Variants in EIF2AK4 observed in about 807,000 individuals in gnomAD.
EIF2AK4 encodes the protein eukaryotic translation initiation factor 2 alpha kinase 4, also known as eIF-2-alpha kinase GCN2.
A neutral mutation model predicts 211.1 loss-of-function variants in EIF2AK4; 139 were observed. The observed-to-expected ratio is 0.66, with a 90% CI of 0.57 to 0.76. The LOEUF is 0.76. EIF2AK4 is among the 30% of genes least tolerant of loss of function. The probability of loss-of-function intolerance (pLI) is 0.00; values close to 1 mark genes in which losing one functional copy is unlikely to be tolerated. For synonymous variants in EIF2AK4, 710 were observed against 751.3 expected (o/e 0.94, Z 0.90); for missense variants, 1,664 against 2,043.8 (o/e 0.81, Z 3.58).
chr15:39,981,047 T>C (rs1396956437), intron 13 of EIF2AK4, among the ~76,000 whole-genome samples: 3 of 152,164 alleles, frequency 2.0e-5, no homozygotes, highest in Non-Finnish European at 4.4e-5. Context: ...TAAACATTTA[T>C]TAGTTATAAA....
intron 6 of EIF2AK4, among the ~76,000 whole-genome samples, chr15:39,956,775 C>T (rs2140906833): frequency 6.6e-6 from 1 of 152,134 alleles, no homozygotes; most frequent in African/African-American, 2.4e-5. Context: ...TAAATTATCT[C>T]TTGTGAGACT....
intron 29 of EIF2AK4, among the ~76,000 whole-genome samples, chr15:40,018,434 ATTCT>A (rs560115442): frequency 6.8e-6 from 1 of 146,294 alleles, no homozygotes; most frequent in South Asian, 2.1e-4. Flanking sequence ...TTTTTCAGGC[ATTCT>A]TTGATTTTTT....
At chr15:40,012,197 GAAGAGTCC>G in intron 27 of EIF2AK4, among the ~76,000 whole-genome samples, 1 of 152,104 alleles carries the variant, frequency 6.6e-6, no homozygotes, top group Non-Finnish European at 1.5e-5. Context: ...GGGATATAAA[GAAGAGTCC>G]ATAGACTGCA....
At chr15:40,016,719 A>G in intron 28 of EIF2AK4, 47 bp downstream of exon 28, 2 of 1,588,980 alleles carry the variant, frequency 1.3e-6, no homozygotes, top group Non-Finnish European at 1.7e-6. Context: ...TAGCATTACT[A>G]ATAGCACAGG....
chr15:40,022,794 C>T (rs376836420), intron 32 of EIF2AK4, among the ~76,000 whole-genome samples, 189 bp downstream of exon 32: 3 of 151,832 alleles, frequency 2.0e-5, no homozygotes, highest in Non-Finnish European at 4.4e-5. Flanking sequence ...AGTGCAATGA[C>T]GCAATCTCGG....
intron 19 of EIF2AK4, 65 bp from the exon 20 acceptor site, chr15:39,998,666 G>A (rs987889574): frequency 2.4e-6 from 3 of 1,255,444 alleles, no homozygotes; most frequent in African/African-American, 3.0e-5. Context: ...TCTTACTTAT[G>A]GTGAATAAAT....
At chr15:40,004,596 C>T (rs977255717) in intron 23 of EIF2AK4, among the ~76,000 whole-genome samples, 4 of 152,142 alleles carry the variant, frequency 2.6e-5, no homozygotes, top group Non-Finnish European at 5.9e-5. Flanking sequence ...GTGGTCTCAG[C>T]TACTTGGGAG....
In EIF2AK4 at chr15:40,001,237, C is replaced by T. The variant is rs777249118; in HGVS notation, c.3159+13C>T. 2.5e-6 allele frequency: 4 copies of T among 1,611,100 alleles called. No homozygotes were observed. The highest frequency in any genetic ancestry group is 1.1e-5 in the South Asian group (1 of 90,932). On this transcript the variant is annotated intron_variant, in intron 21 of 38. Transcript: ENST00000263791. ...CGACATACTGAAGGTGGGCTTAAGC[C>T]ACGCTGCACAAAGGGAGCTTCACCT...
intron 11 of EIF2AK4, chr15:39,975,028 C>G (rs1019443494): frequency 2.0e-5 from 3 of 152,124 alleles, no homozygotes; most frequent in African/African-American, 7.2e-5. Flanking sequence ...TGCCAAGATC[C>G]CCACCTCCCG....
rs1370007190 is a variant in EIF2AK4, at chr15:40,011,333, T to C, written c.3746T>C (p.Leu1249Ser). The change falls in exon 27 of 39, where the codon TTG becomes TCG. Residue 1249 changes from leucine to serine, a missense_variant. Coordinates refer to ENST00000263791, the MANE Select transcript of EIF2AK4 (RefSeq NM_001013703.4). Reference protein sequence around the residue: ...EVEAKFCNLSLSSNSLCRLYK... With the variant: ...EVEAKFCNLSSSSNSLCRLYK... ...GAAGCTAAATTTTGTAATCTGTCTT[T>C]GTCTTCTAATAGTGTAAGTACCTTC... The C allele has an allele frequency of 6.2e-7, 1 of 1,612,828 alleles. No individual in the cohort carries two copies. Among genetic ancestry groups the C allele is most frequent in the Non-Finnish European group, 8.5e-7 (1 of 1,179,148 alleles).
At chr15:40,005,598 G>C (rs2035149945) in intron 23 of EIF2AK4, among the ~76,000 whole-genome samples, 1 of 150,674 alleles carries the variant, frequency 6.6e-6, no homozygotes, top group Non-Finnish European at 1.5e-5. Flanking sequence ...TTGAGATGGA[G>C]TCTCACTCTG....
chr15:39,998,959 A>G (rs968458225), intron 20 of EIF2AK4, among the ~76,000 whole-genome samples, 175 bp downstream of exon 20: 1 of 152,206 alleles, frequency 6.6e-6, no homozygotes, highest in African/African-American at 2.4e-5. Context: ...GAACTACACC[A>G]TAAAAATGCC....
At position 39,967,734 on chromosome 15, in the gene EIF2AK4, G is replaced by C; in HGVS notation, c.1408G>C (p.Ala470Pro). 3 of 1,614,222 alleles carry C rather than the reference G, an allele frequency of 1.9e-6. No homozygotes were observed. Among genetic ancestry groups the C allele is most frequent in the Non-Finnish European group, 2.5e-6 (3 of 1,180,040 alleles). ...EQTRVRFSDN[A>P]LPYKTGKKGD... ...AACCCGAGTTCGTTTTAGTGACAAT[G>C]CTCTGCCTTATAAAACGGGGAAGAA... The change falls in exon 9 of 39, where the codon GCT (alanine) becomes CCT (proline). Residue 470 changes from alanine (A) to proline (P), a missense_variant. Coordinates refer to ENST00000263791, the MANE Select transcript of EIF2AK4 (RefSeq NM_001013703.4).
intron 26 of EIF2AK4, among the ~76,000 whole-genome samples, chr15:40,010,081 T>C (rs529936324): frequency 2.3e-4 from 35 of 152,362 alleles, no homozygotes; most frequent in African/African-American, 8.4e-4. Flanking sequence ...TAATTGGTCC[T>C]GATACTTGCC....
chr15:39,967,574 G>A lies in EIF2AK4; in HGVS notation c.1248G>A (p.Leu416=). The part of the protein sequence containing the change: ...TAQLLSGLDY[L]HSNSVVHKVL... ...AGCTCCTGTCAGGCCTTGATTATCT[G>A]CACAGCAATTCTGTGGTGCATAAGG... is the stretch of plus-strand genomic sequence containing the variant. The change falls in exon 9 of 39, where the codon CTG becomes CTA. Residue 416 remains leucine (L), a synonymous_variant. Coordinates refer to ENST00000263791, the MANE Select transcript of EIF2AK4 (RefSeq NM_001013703.4). The A allele has an allele frequency of 1.4e-5, 23 of 1,613,856 alleles. 1 individual carries two copies. Among genetic ancestry groups the A allele is most frequent in the Non-Finnish European group, 1.9e-5 (23 of 1,179,880 alleles).
intron 31 of EIF2AK4, 128 bp from the exon 32 acceptor site, chr15:40,022,391 C>A: frequency 2.6e-6 from 2 of 780,280 alleles, no homozygotes; most frequent in Non-Finnish European, 4.1e-6. Context: ...TTATATCCCC[C>A]TGAAGTCAGC....
intron 22 of EIF2AK4, 58 bp downstream of exon 22, chr15:40,002,846 G>A (rs2035111282): frequency 6.4e-7 from 1 of 1,568,956 alleles, no homozygotes; most frequent in African/African-American, 1.4e-5. Context: ...TTCATCATTA[G>A]AAAGTACTGT....
chr15:40,032,084 T>C, intron 35 of EIF2AK4, 85 bp from the exon 36 acceptor site: 2 of 1,162,288 alleles, frequency 1.7e-6, no homozygotes, highest in Non-Finnish European at 2.6e-6. Flanking sequence ...TGTAACCCTG[T>C]GATTGTATCC....
At chr15:39,938,307 T>C (rs1015104640) in intron 1 of EIF2AK4, among the ~76,000 whole-genome samples, 1 of 152,326 alleles carries the variant, frequency 6.6e-6, no homozygotes, top group Non-Finnish European at 1.5e-5. Context: ...CAAAGAGTGC[T>C]TAACCCTTCC....
Sources: gnomAD v4.1 joint callset for allele counts (sites outside exome capture counted in the v4.1 genomes callset) on GRCh38, gnomAD v4.1.1 for gene constraint, MANE v1.5 for transcripts, NCBI Gene and HGNC (gene_info 2026-07-23, HGNC 2026-07-21) for gene names.